Variants in PPFIA4 observed in about 807,000 individuals in gnomAD.
PPFIA4 encodes liprin-alpha-4.
PPFIA4 carries 98 observed loss-of-function variants against 145.7 expected under a neutral mutation model. The ratio of observed to expected loss-of-function variants is 0.67; its 90% CI spans 0.57 to 0.80. The LOEUF is 0.80. Among genes scored for constraint, PPFIA4 ranks in the 30% least tolerant of loss-of-function variants. The pLI, the probability that PPFIA4 is intolerant of heterozygous loss-of-function variation, is 0.00. For missense variants in PPFIA4, 1,457 were observed against 1,632.7 expected, an observed-to-expected ratio of 0.89 and a Z score of 1.85; for synonymous variants, 628 against 649.6, an observed-to-expected ratio of 0.97 and a Z score of 0.51.
chr1:203,036,028 G>C (rs1379751222), intron 1 of PPFIA4, among the ~76,000 whole-genome samples: 2 of 152,202 alleles, frequency 1.3e-5, no homozygotes, highest in African/African-American at 4.8e-5. Context: ...GGAGGATTTG[G>C]GGAGGCCAAG....
Position 203,038,981 on chromosome 1 carries a change from C to A in PPFIA4, c.-28C>A, listed in dbSNP as rs183469434. 2.4e-6 allele frequency: 3 copies of A among 1,276,078 alleles called. No homozygotes were observed. Among genetic ancestry groups the A allele is most frequent in the Non-Finnish European group, 2.2e-6 (2 of 920,316 alleles). The allele number at this position is 1,276,078 out of a possible 1,614,324, so 79.0% of individuals were successfully genotyped here. ...CTGTGAGTCCCTCCCTGTCCCCTGA[C>A]GCTGAGAAGGCCCTGCCAACCCCCA... is the stretch of plus-strand genomic sequence containing the variant. On this transcript the variant is annotated 5_prime_UTR_variant, in exon 2 of 30. Transcript: ENST00000295706.
At chr1:203,056,264 C>A in intron 17 of PPFIA4, 109 bp downstream of exon 17, 1 of 1,597,082 alleles carries the variant, frequency 6.3e-7, no homozygotes, top group South Asian at 1.1e-5. Flanking sequence ...CTCAGAGAGG[C>A]ACCCAGGGCC....
chr1:203,067,676 G>T lies in PPFIA4; in HGVS notation c.3051-19G>T, dbSNP rs765216243. 1.9e-6 allele frequency: 3 copies of T among 1,610,310 alleles called. No individual in the cohort carries two copies. Among genetic ancestry groups the T allele is most frequent in the African/African-American group, 2.7e-5 (2 of 74,838 alleles). On this transcript the variant is annotated intron_variant, in intron 25 of 29. Coordinates refer to ENST00000295706, the MANE Select transcript of PPFIA4 (RefSeq NM_001304331.2). ...TGTGGCCCCACTGAGGCTCTGGCTTGGGGGCTGTGTGCCTGCAGAACCAGT... is the reference window on the plus strand; with the variant it reads ...TGTGGCCCCACTGAGGCTCTGGCTTTGGGGCTGTGTGCCTGCAGAACCAGT...
chr1:203,057,082 G>A, intron 19 of PPFIA4, 132 bp downstream of exon 19: 1 of 1,498,074 alleles, frequency 6.7e-7, no homozygotes. Flanking sequence ...GGTTACCTCA[G>A]ATCTGCAGAA....
intron 9 of PPFIA4, among the ~76,000 whole-genome samples, chr1:203,047,764 G>A (rs1416203011): frequency 6.6e-6 from 1 of 152,136 alleles, no homozygotes; most frequent in African/African-American, 2.4e-5. Context: ...TTACAGTTGT[G>A]GAAACGAAGG....
chr1:203,049,480 C>T (rs895520608), intron 12 of PPFIA4, among the ~76,000 whole-genome samples, 196 bp from the exon 13 acceptor site: 2 of 152,224 alleles, frequency 1.3e-5, no homozygotes, highest in Admixed American at 1.3e-4. Flanking sequence ...TCCTTCCACT[C>T]ACTCTCTGGT....
In PPFIA4 at chr1:203,060,015, C is replaced by T. The variant is rs1174278034; in HGVS notation, c.2583+164C>T. 2.6e-5 allele frequency among the ~76,000 whole-genome samples: 4 copies of T among 152,190 alleles called. No individual in the cohort carries two copies. The highest frequency in any genetic ancestry group is 5.9e-5 in the Non-Finnish European group (4 of 68,040). On this transcript the variant is annotated intron_variant, in intron 21 of 29. Transcript: ENST00000295706. The surrounding 1 kb of genome is among the most constrained non-coding windows in gnomAD (Gnocchi z 4.8). ...CCCCTCCCCCTCCCCAACACACACA[C>T]ATACCAGTCGCAGGAGAGAGTTGAT...
rs766293703 is a variant in PPFIA4, at chr1:203,075,503, G to A, written c.3394-74G>A. Reference sequence around the variant, plus strand: ...GTGCCCCTTGAACCAGCAGCGACTGGCCCCCTCCAGGCAGGGCGTGAGGAT... The same window carrying A: ...GTGCCCCTTGAACCAGCAGCGACTGACCCCCTCCAGGCAGGGCGTGAGGAT... On this transcript the variant is annotated intron_variant, in intron 28 of 29. Coordinates refer to ENST00000295706, the MANE Select transcript of PPFIA4 (RefSeq NM_001304331.2). This position sits in a 1 kb window ranked among gnomAD's most constrained non-coding sequence, Gnocchi z 4.1. The A allele has an allele frequency of 3.2e-6, 4 of 1,247,174 alleles. No homozygotes were observed. The highest frequency in any genetic ancestry group is 2.1e-4 in the Middle Eastern group (1 of 4,670). The allele number at this position is 1,247,174 out of a possible 1,614,324, so 77.3% of individuals were successfully genotyped here.
chr1:203,054,638 G>T (rs1660775637), intron 15 of PPFIA4, among the ~76,000 whole-genome samples: 1 of 150,954 alleles, frequency 6.6e-6, no homozygotes, highest in Non-Finnish European at 1.5e-5. Flanking sequence ...CAGTTCAATG[G>T]TTCAATGTAT....
At position 203,055,485 on chromosome 1, in the gene PPFIA4, C is replaced by T. The variant is rs199626022; in HGVS notation, c.1883C>T (p.Thr628Met). 1.8e-5 allele frequency: 29 copies of T among 1,613,994 alleles called. No individual in the cohort carries two copies. The highest frequency in any genetic ancestry group is 1.6e-4 in the Middle Eastern group (1 of 6,062). ...GAGCTCCGCGCGGAGGAGATTGAGA[C>T]GCGTGTAACCAGTGGCAGCATGGAA... ...STELRAEEIE[T>M]RVTSGSMEAL... Residue 628 changes from threonine (T) to methionine (M), a missense_variant, in exon 16 of 30, where the codon ACG (threonine) becomes ATG (methionine). By Grantham distance (81) the Thr-to-Met change is moderately conservative (BLOSUM62 -1). Coordinates refer to ENST00000295706, the MANE Select transcript of PPFIA4 (RefSeq NM_001304331.2). This position sits in a 1 kb window ranked among gnomAD's most constrained non-coding sequence, Gnocchi z 4.8.
intron 14 of PPFIA4, among the ~76,000 whole-genome samples, chr1:203,052,387 GA>G (rs1660596931): frequency 6.6e-6 from 1 of 152,114 alleles, no homozygotes. Context: ...ATATGGGGCA[GA>G]AAAATGCCGA....
intron 25 of PPFIA4, among the ~76,000 whole-genome samples, chr1:203,066,848 A>G (rs1661758250): frequency 6.6e-6 from 1 of 152,214 alleles, no homozygotes. Context: ...AGTGAACAAA[A>G]CAAAGATCCC....
intron 1 of PPFIA4, among the ~76,000 whole-genome samples, chr1:203,030,238 A>G (rs1658721137): frequency 6.6e-6 from 1 of 152,072 alleles, no homozygotes; most frequent in Non-Finnish European, 1.5e-5. Context: ...CAGGGTGGGA[A>G]GTGGCCTGTG....
At chr1:203,039,956 C>CTAA (rs1659583211) in intron 2 of PPFIA4, among the ~76,000 whole-genome samples, 1 of 152,206 alleles carries the variant, frequency 6.6e-6, no homozygotes, top group Non-Finnish European at 1.5e-5. Context: ...GAGCCTGGGG[C>CTAA]TAAGTTTCTC....
chr1:203,067,542 G>A (rs1407171499), intron 25 of PPFIA4, 153 bp from the exon 26 acceptor site: 23 of 650,592 alleles, frequency 3.5e-5, no homozygotes, highest in Non-Finnish European at 6.3e-5. Context: ...TCGCAGGCAA[G>A]GCCCTGGGGA....
intron 4 of PPFIA4, 135 bp from the exon 5 acceptor site, chr1:203,044,244 C>T: frequency 8.6e-7 from 1 of 1,162,066 alleles, no homozygotes; most frequent in Non-Finnish European, 1.2e-6. Context: ...CTGTTAGGCT[C>T]CCTCCTGCAA....
intron 2 of PPFIA4, among the ~76,000 whole-genome samples, chr1:203,042,042 T>A (rs923049915): frequency 6.6e-6 from 1 of 152,174 alleles, no homozygotes; most frequent in Non-Finnish European, 1.5e-5. Flanking sequence ...TAGCCCCTTT[T>A]GCCCTATCTG....
chr1:203,047,844 C>T (rs767670308), intron 9 of PPFIA4, among the ~76,000 whole-genome samples: 1 of 152,136 alleles, frequency 6.6e-6, no homozygotes. Context: ...TGAACCCAGG[C>T]GGTGTGGCAT....
intron 25 of PPFIA4, 34 bp from the exon 26 acceptor site, chr1:203,067,661 C>T (rs759307998): frequency 3.8e-6 from 6 of 1,591,746 alleles, no homozygotes; most frequent in Non-Finnish European, 5.2e-6. Context: ...TGTGGCCCCA[C>T]TGAGGCTCTG....
Sources: allele counts gnomAD v4.1 joint callset (sites outside exome capture counted in the v4.1 genomes callset), GRCh38; gene constraint gnomAD v4.1.1; non-coding constraint Gnocchi (gnomAD v3.1); transcripts MANE v1.5; gene names NCBI Gene and HGNC (gene_info 2026-07-23, HGNC 2026-07-21).